The following RAD51B variants were observed in gnomAD, a reference collection of about 807,000 sequenced individuals.
RAD51B encodes DNA repair protein RAD51 homolog 2.
In RAD51B, 38 loss-of-function variants were observed where a neutral mutation model predicts 42.2. The ratio of observed to expected loss-of-function variants is 0.90; its 90% CI spans 0.70 to 1.18. RAD51B has a LOEUF of 1.18. RAD51B is among the 50% of genes most tolerant of loss of function. The pLI is 0.00. For missense variants in RAD51B, 373 were observed against 400.7 expected (o/e 0.93, Z 0.59); for synonymous variants, 154 against 145.2 (o/e 1.06, Z -0.43).
intron 7 of RAD51B, among the ~76,000 whole-genome samples, chr14:67,958,331 C>G (rs2074592272): frequency 6.6e-6 from 1 of 152,192 alleles, no homozygotes; most frequent in African/African-American, 2.4e-5. Context: ...TCCAGTGGAA[C>G]TCAGAAGTGG....
At chr14:68,529,610 A>G (rs1887147587) in intron 10 of RAD51B, among the ~76,000 whole-genome samples, 1 of 152,246 alleles carries the variant, frequency 6.6e-6, no homozygotes, top group Non-Finnish European at 1.5e-5. Flanking sequence ...CTAACACCAT[A>G]GCTGGGAAAG....
chr14:68,343,934 GGTGCACAGA>G (rs1164547544), intron 8 of RAD51B, among the ~76,000 whole-genome samples: 1 of 152,260 alleles, frequency 6.6e-6, no homozygotes, highest in African/African-American at 2.4e-5. Flanking sequence ...TAAGTCTGCA[GGTGCACAGA>G]GTGCAAAAGT....
At chr14:68,334,807 G>A (rs1057407356) in intron 8 of RAD51B, among the ~76,000 whole-genome samples, 2 of 150,470 alleles carry the variant, frequency 1.3e-5, no homozygotes, top group African/African-American at 4.9e-5. Context: ...TATATCATGT[G>A]ATATATAGGA....
chr14:68,304,805 AC>A (rs1463674044), intron 8 of RAD51B, among the ~76,000 whole-genome samples: 1 of 152,168 alleles, frequency 6.6e-6, no homozygotes. Flanking sequence ...TTCTTCTGTC[AC>A]ATTCTGTCTT....
downstream of RAD51B, chr14:68,478,105 G>A (rs982460110): frequency 6.7e-6 from 7 of 1,043,514 alleles, no homozygotes; most frequent in Non-Finnish European, 8.1e-6. Flanking sequence ...AAAAAGAGTA[G>A]GTGTAAAGGA....
chr14:68,042,965 A>G (rs1234284324), intron 7 of RAD51B, among the ~76,000 whole-genome samples: 1 of 152,198 alleles, frequency 6.6e-6, no homozygotes, highest in African/African-American at 2.4e-5. Context: ...ACACCCTGTG[A>G]TTTGCTCTAA....
chr14:68,468,178 A>T lies in RAD51B; in HGVS notation c.964A>T (p.Ile322Phe). 3 of 1,613,710 alleles carry T rather than the reference A, an allele frequency of 1.9e-6. No homozygotes were observed. Among genetic ancestry groups the T allele is most frequent in the Non-Finnish European group, 2.5e-6 (3 of 1,179,768 alleles). The change falls in exon 10 of 11, where the codon ATT (isoleucine) becomes TTT (phenylalanine). Residue 322 changes from isoleucine to phenylalanine, a missense_variant. Physicochemically the swap from Ile to Phe is conservative, Grantham distance 21. Transcript: ENST00000471583. ...AAATGTGCTTTATGTGCAGATTCTTATTGCCAAGTCCCCTCTGGCTCCCTT... is the reference window on the plus strand; with the variant it reads ...AAATGTGCTTTATGTGCAGATTCTTTTTGCCAAGTCCCCTCTGGCTCCCTT... ...YLDSERRQILIAKSPLAPFTS... is the reference protein window; with the variant it reads ...YLDSERRQILFAKSPLAPFTS...
At position 68,411,448 on chromosome 14, in the gene RAD51B, T is replaced by C. The variant is rs1436296455; in HGVS notation, c.878T>C (p.Ile293Thr). Reference protein sequence around the residue: ...SEGTSGSSCVIAALGNTWSHS... With the variant: ...SEGTSGSSCVTAALGNTWSHS... Reference sequence around the variant, plus strand: ...GGCACTTCTGGATCCAGCTGTGTGATAGCCGCACTAGGAAATACCTGGAGT... The same window carrying C: ...GGCACTTCTGGATCCAGCTGTGTGACAGCCGCACTAGGAAATACCTGGAGT... Residue 293 changes from isoleucine to threonine, a missense_variant, in exon 9 of 11, where the codon ATA becomes ACA. Ile to Thr is a moderately conservative substitution (Grantham distance 89, BLOSUM62 -1). Transcript: ENST00000471583. 8 of 1,614,118 alleles carry C rather than the reference T, an allele frequency of 5.0e-6. No homozygotes were observed. In the South Asian group the frequency reaches 8.8e-5, roughly 18 times the overall value.
chr14:68,099,085 A>C (rs1185345183), intron 7 of RAD51B, among the ~76,000 whole-genome samples: 1 of 152,174 alleles, frequency 6.6e-6, no homozygotes, highest in Non-Finnish European at 1.5e-5. Flanking sequence ...TCCTTTCTTT[A>C]ATTGCTAGGT....
intron 10 of RAD51B, among the ~76,000 whole-genome samples, chr14:68,519,805 T>A (rs1270242154): frequency 6.6e-6 from 1 of 152,168 alleles, no homozygotes; most frequent in African/African-American, 2.4e-5. Flanking sequence ...TGTCTAGACA[T>A]TTTCAGGATC....
intron 7 of RAD51B, among the ~76,000 whole-genome samples, chr14:67,901,226 G>T (rs1264709455): frequency 6.6e-6 from 1 of 152,210 alleles, no homozygotes; most frequent in African/African-American, 2.4e-5. Context: ...TTACCCGTGA[G>T]TGCCTAAGCG....
At position 68,235,703 on chromosome 14, in the gene RAD51B, C is replaced by CAAAAAAAA. The variant is rs57180468; in HGVS notation, c.757-56159_757-56152dup. ...TGGGCGACAGAGCGAGACTCCGTCTCAAAAAAAAAAAAAAAAAAAAAAAAA... is the reference window on the plus strand; with the variant it reads ...TGGGCGACAGAGCGAGACTCCGTCTCAAAAAAAAAAAAAAAAAAAAAAAAAAAAAAAAA... On this transcript the variant is annotated intron_variant, in intron 7 of 10. Transcript: ENST00000471583. Among the ~76,000 whole-genome samples, 9 of 14,068 alleles carry CAAAAAAAA rather than the reference C, an allele frequency of 6.4e-4. 1 individual carries two copies. The highest frequency in any genetic ancestry group is 1.0e-3 in the Admixed American group (1 of 974). The allele number at this position is 14,068 out of a possible 152,430, so 9.2% of individuals were successfully genotyped here.
At chr14:68,642,699 A>T (rs906299338) in intron 10 of RAD51B, among the ~76,000 whole-genome samples, 6 of 152,118 alleles carry the variant, frequency 3.9e-5, no homozygotes, top group Admixed American at 2.6e-4. Context: ...ATGGAAGCTT[A>T]GGTGATTGAT....
chr14:68,315,648 A>G (rs909784109), intron 8 of RAD51B, among the ~76,000 whole-genome samples: 11 of 151,978 alleles, frequency 7.2e-5, no homozygotes, highest in African/African-American at 2.7e-4. Context: ...CAGCCTCCCG[A>G]GTAGCTGGGA....
At chr14:68,517,381 C>T (rs575590359) in intron 10 of RAD51B, among the ~76,000 whole-genome samples, 4 of 152,090 alleles carry the variant, frequency 2.6e-5, no homozygotes, top group African/African-American at 9.6e-5. Context: ...GCATTTATTC[C>T]CCCTGTAAGT....
At chr14:67,840,806 CTTT>C (rs139189527) in intron 4 of RAD51B, among the ~76,000 whole-genome samples, 6 of 145,160 alleles carry the variant, frequency 4.1e-5, no homozygotes, top group African/African-American at 2.5e-5. Flanking sequence ...TATTTTTTGA[CTTT>C]TTTTTTTTTT....
intron 7 of RAD51B, among the ~76,000 whole-genome samples, chr14:68,231,986 C>G (rs2140984219): frequency 6.6e-6 from 1 of 152,074 alleles, no homozygotes; most frequent in Non-Finnish European, 1.5e-5. Context: ...TAATAAAATC[C>G]AAGTGATTCA....
chr14:68,173,493 T>G (rs1237444491), intron 7 of RAD51B, among the ~76,000 whole-genome samples: 1 of 152,230 alleles, frequency 6.6e-6, no homozygotes, highest in Non-Finnish European at 1.5e-5. Flanking sequence ...TGAGAAGTCC[T>G]ACTCAGGATC....
chr14:68,614,818 G>A (rs1438324726), downstream of RAD51B, among the ~76,000 whole-genome samples: 1 of 152,204 alleles, frequency 6.6e-6, no homozygotes, highest in Non-Finnish European at 1.5e-5. Context: ...ATGCTGCTAT[G>A]AACATTCATA....
Sources: allele counts gnomAD v4.1 joint callset (sites outside exome capture counted in the v4.1 genomes callset), GRCh38; gene constraint gnomAD v4.1.1; transcripts MANE v1.5; gene names NCBI Gene and HGNC (gene_info 2026-07-23, HGNC 2026-07-21).